GTF2IRD2: variants seen among roughly 807,000 people sequenced by gnomAD.
The protein encoded by GTF2IRD2 is general transcription factor II-I repeat domain-containing protein 2A.
Under a neutral mutation model 49.2 loss-of-function variants are expected in GTF2IRD2, and 8 were observed. That is an observed-to-expected ratio of 0.16 (90% CI 0.10 to 0.29). The LOEUF is 0.29. Among genes scored for constraint, GTF2IRD2 ranks in the 10% least tolerant of loss-of-function variants. GTF2IRD2 has a pLI of 1.00. For synonymous variants in GTF2IRD2, 47 were observed against 289.7 expected (o/e 0.16, Z 8.51); for missense variants, 130 against 725.7 (o/e 0.18, Z 9.43).
At chr7:74,833,221 T>TTGTGTGTGTGTGTG (rs369196670) in intron 2 of GTF2IRD2, among the ~76,000 whole-genome samples, 2 of 111,992 alleles carry the variant, frequency 1.8e-5, no homozygotes, top group Admixed American at 9.3e-5. Context: ...CCTGGCTAAT[T>TTGTGTGTGTGTGTG]TGTGTGTGTG....
At chr7:74,836,176 A>G (rs1303850243) in intron 2 of GTF2IRD2, 104 bp downstream of exon 2, 5 of 1,449,420 alleles carry the variant, frequency 3.4e-6, no homozygotes, top group Non-Finnish European at 4.7e-6. Context: ...GTCTTAAAAA[A>G]AAGAAAAGAA....
Position 74,797,578 on chromosome 7 carries a change from C to T in GTF2IRD2, c.1934G>A (p.Gly645Asp), listed in dbSNP as rs375442507. Residue 645 changes from glycine (G) to aspartate (D), a missense_variant, in exon 16 of 16, where the codon GGT (glycine) becomes GAT (aspartate). By Grantham distance (94) the Gly-to-Asp change is moderately conservative. Transcript: ENST00000451013. ...LKSRVATFCKGAELKSICCII... is the reference protein window; with the variant it reads ...LKSRVATFCKDAELKSICCII... ...ACAACAGATGGACTTCAGTTCCGCA[C>T]CCTTGCAGAACGTCGCCACCCTGGA... 276 of 1,581,606 alleles carry T rather than the reference C, an allele frequency of 1.7e-4. 3 individuals carry two copies. The African/African-American group carries it at 2.2e-3, about 12-fold the overall frequency.
At chr7:74,822,242 G>C in intron 6 of GTF2IRD2, 185 bp downstream of exon 6, 1 of 677,184 alleles carries the variant, frequency 1.5e-6, no homozygotes, top group South Asian at 1.5e-5. Flanking sequence ...GTACAGACTG[G>C]GCTTCACCGT....
intron 11 of GTF2IRD2, among the ~76,000 whole-genome samples, chr7:74,807,213 G>A (rs1464203986): frequency 1.4e-5 from 1 of 70,988 alleles, no homozygotes; most frequent in Admixed American, 1.6e-4. Flanking sequence ...GACCTCCCAC[G>A]GTCAAGTGAT....
chr7:74,827,827 T>TC, intron 3 of GTF2IRD2, among the ~76,000 whole-genome samples: 1 of 41,696 alleles, frequency 2.4e-5, no homozygotes, highest in Non-Finnish European at 3.8e-5. Flanking sequence ...CTTTTTCCTT[T>TC]CCCTTTTTTT....
chr7:74,798,501 A>T (rs1797202709), intron 15 of GTF2IRD2, among the ~76,000 whole-genome samples: 1 of 151,572 alleles, frequency 6.6e-6, no homozygotes, highest in Non-Finnish European at 1.5e-5. Flanking sequence ...AAACCTGAAG[A>T]CTGAATTTTT....
chr7:74,800,093 C>T (rs1797418902), intron 15 of GTF2IRD2, among the ~76,000 whole-genome samples: 1 of 127,572 alleles, frequency 7.8e-6, no homozygotes, highest in Admixed American at 8.4e-5. Flanking sequence ...CTAAAAAACC[C>T]CAATAATAAT....
At position 74,829,823 on chromosome 7, in the gene GTF2IRD2, G is replaced by A. The variant is rs1554420176; in HGVS notation, c.238+2982C>T. On this transcript the variant is annotated intron_variant, in intron 3 of 15. Transcript: ENST00000451013. ...GAATGGCTTGAACCGAGGAGGCAGA[G>A]GTTGTGGTCAGCCGAGATCTCTCCA... Among the ~76,000 whole-genome samples the A allele has an allele frequency of 2.0e-5, 3 of 150,222 alleles. No homozygotes were observed. In the East Asian group the frequency reaches 5.9e-4, roughly 29 times the overall value.
chr7:74,834,263 C>CT, intron 2 of GTF2IRD2, among the ~76,000 whole-genome samples: 1 of 122,324 alleles, frequency 8.2e-6, no homozygotes, highest in Admixed American at 7.7e-5. Flanking sequence ...CGGAGTCTTG[C>CT]CCTGTTGCCC....
intron 3 of GTF2IRD2, among the ~76,000 whole-genome samples, chr7:74,826,346 G>A (rs1799391893): frequency 6.7e-6 from 1 of 148,538 alleles, no homozygotes; most frequent in African/African-American, 2.5e-5. Context: ...AGTAATCTCT[G>A]CCTCCTGGGT....
chr7:74,842,216 AT>A (rs1156571491), intron 1 of GTF2IRD2, among the ~76,000 whole-genome samples: 6 of 128,162 alleles, frequency 4.7e-5, no homozygotes, highest in African/African-American at 1.6e-4. Flanking sequence ...AGTACACTTT[AT>A]TTTTTTTAAT....
chr7:74,829,899 A>C (rs1309899193), intron 3 of GTF2IRD2, among the ~76,000 whole-genome samples: 1 of 76,314 alleles, frequency 1.3e-5, no homozygotes, highest in Non-Finnish European at 3.1e-5. Context: ...AAAAAAAAAA[A>C]AAATTCATAT....
In GTF2IRD2 at chr7:74,819,981, G is replaced by A; in HGVS notation, c.614C>T (p.Ser205Leu). The change falls in exon 7 of 16, where the codon TCA becomes TTA. Residue 205 changes from serine (S) to leucine (L), a missense_variant. Coordinates refer to ENST00000451013, the MANE Select transcript of GTF2IRD2 (RefSeq NM_173537.5). ...MVTDAERSIV[S>L]PSESCGPINV... ...ATTTATCTTTTACCTTTCACTTGGTGATACTATGGATCTCTCCGCATCTGT... is the reference window on the plus strand; with the variant it reads ...ATTTATCTTTTACCTTTCACTTGGTAATACTATGGATCTCTCCGCATCTGT... 6.3e-7 allele frequency: 1 copy of A among 1,590,714 alleles called. No individual in the cohort carries two copies. Among genetic ancestry groups the A allele is most frequent in the Non-Finnish European group, 8.6e-7 (1 of 1,164,994 alleles).
rs1266638256 is a variant in GTF2IRD2, at chr7:74,822,802, C to T, written c.364G>A (p.Ala122Thr). The change falls in exon 5 of 16, where the codon GCC becomes ACC. Residue 122 changes from alanine to threonine, a missense_variant. Physicochemically the swap from Ala to Thr is moderately conservative, Grantham distance 58. Coordinates refer to ENST00000451013, the MANE Select transcript of GTF2IRD2 (RefSeq NM_173537.5). ...GGCACCATCACTGTTGTCCCTAAGG[C>T]TTTACCTACAAGAAGACGCAAACGT... ...EDYFCFCYGK[A>T]LGTTVMVPVP... is the part of the protein sequence containing the mutation. 1 of 1,532,672 alleles carries T rather than the reference C, an allele frequency of 6.5e-7. No individual in the cohort carries two copies. Among genetic ancestry groups the T allele is most frequent in the East Asian group, 2.3e-5 (1 of 44,364 alleles). The allele number at this position is 1,532,672 out of a possible 1,614,324, so 94.9% of individuals were successfully genotyped here. A position where few individuals can be genotyped will look rare whatever the true frequency, so the allele number is the denominator to read the frequency against.
At chr7:74,800,243 T>C (rs1797443954) in intron 15 of GTF2IRD2, among the ~76,000 whole-genome samples, 2 of 140,388 alleles carry the variant, frequency 1.4e-5, no homozygotes, top group South Asian at 4.6e-4. Context: ...AGACAGAGTC[T>C]TGCTCTGTCA....
chr7:74,826,804 C>T (rs1235054737), intron 3 of GTF2IRD2, among the ~76,000 whole-genome samples: 4 of 137,334 alleles, frequency 2.9e-5, no homozygotes, highest in East Asian at 4.3e-4. Flanking sequence ...CTCTGCCTCC[C>T]GGGTTCAAGC....
At chr7:74,829,619 C>T (rs1382873843) in intron 3 of GTF2IRD2, among the ~76,000 whole-genome samples, 1 of 149,178 alleles carries the variant, frequency 6.7e-6, no homozygotes, top group Admixed American at 6.8e-5. Flanking sequence ...CGGTGGCTCA[C>T]CCTGTAATCC....
rs2527250 is a variant in GTF2IRD2, at chr7:74,829,558, C to T, written c.238+3247G>A. 1.0e-3 allele frequency among the ~76,000 whole-genome samples: 148 copies of T among 144,392 alleles called. 1 individual carries two copies. The highest frequency in any genetic ancestry group is 2.9e-3 in the African/African-American group (114 of 38,936). 94.7% of individuals were successfully genotyped at this position (144,392 alleles called of 152,430 possible). On this transcript the variant is annotated intron_variant, in intron 3 of 15. Transcript: ENST00000451013. ...AATCCCCATCAAAATCTCAAGGGCA[C>T]TTCTCGTACAAATTAAGAAATCCAC...
chr7:74,798,548 G>A (rs2523354), intron 15 of GTF2IRD2, among the ~76,000 whole-genome samples: 26 of 151,286 alleles, frequency 1.7e-4, no homozygotes, highest in African/African-American at 5.6e-4. Flanking sequence ...TTGCTCTGTC[G>A]CCCAGGCTGC....
Sources: gnomAD v4.1 joint callset for allele counts (sites outside exome capture counted in the v4.1 genomes callset) on GRCh38, gnomAD v4.1.1 for gene constraint, MANE v1.5 for transcripts, NCBI Gene and HGNC (gene_info 2026-07-23, HGNC 2026-07-21) for gene names.